Variants in ART3 observed in about 807,000 individuals in gnomAD.
ART3 encodes ADP-ribosyltransferase 3 (inactive).
In ART3, 49 loss-of-function variants were observed where a neutral mutation model predicts 48.5. The observed-to-expected ratio is 1.01, with a 90% CI of 0.80 to 1.28. ART3 has a LOEUF of 1.28. Among genes scored for constraint, ART3 ranks in the 50% most tolerant of loss-of-function variants. The probability of loss-of-function intolerance (pLI) is 0.00; values close to 1 mark genes in which losing one functional copy is unlikely to be tolerated. For missense variants in ART3, 438 were observed against 454.3 expected (o/e 0.96, Z 0.33); for synonymous variants, 145 against 157.2 (o/e 0.92, Z 0.58).
rs1041641788 is a variant in ART3, at chr4:76,112,585, A to G, written c.*66A>G. On this transcript the variant is annotated 3_prime_UTR_variant, in exon 12 of 12. Transcript: ENST00000355810. Reference sequence around the variant, plus strand: ...AACTATAGGGATCCACAGGAGATCAAAAGGAATGATGTATTTTTTACGTGT... The same window carrying G: ...AACTATAGGGATCCACAGGAGATCAGAAGGAATGATGTATTTTTTACGTGT... 4 of 1,476,268 alleles carry G rather than the reference A, an allele frequency of 2.7e-6. No homozygotes were observed. The allele number at this position is 1,476,268 out of a possible 1,614,324, so 91.4% of individuals were successfully genotyped here. A position where few individuals can be genotyped will look rare whatever the true frequency, so the allele number is the denominator to read the frequency against.
intron 1 of ART3, among the ~76,000 whole-genome samples, chr4:76,052,449 C>G (rs1736203993): frequency 6.6e-6 from 1 of 152,140 alleles, no homozygotes; most frequent in African/African-American, 2.4e-5. Context: ...AGCCATCTAC[C>G]TTTCCTTTCC....
In ART3 at chr4:76,013,544, G is replaced by A. The variant is rs147900049; in HGVS notation, c.-10+2224G>A. Among the ~76,000 whole-genome samples the A allele has an allele frequency of 4.1e-4, 62 of 152,162 alleles. 1 individual carries two copies. The highest frequency in any genetic ancestry group is 1.3e-3 in the African/African-American group (53 of 41,510). ...TACGTAGTTTATATATTTGTAAAAT[G>A]TTCTCATATTTCTAGCCTCTTCATT... On this transcript the variant is annotated intron_variant, in intron 1 of 9. Coordinates refer to the ART3 transcript ENST00000341029.
intron 8 of ART3, among the ~76,000 whole-genome samples, chr4:76,101,379 C>A (rs556389183): frequency 3.4e-4 from 52 of 152,338 alleles, no homozygotes; most frequent in African/African-American, 1.2e-3. Context: ...CACCAGCAAT[C>A]TGATTAATAT....
chr4:76,022,619 A>G lies in ART3; in HGVS notation c.-10+11299A>G, dbSNP rs868009061. On this transcript the variant is annotated intron_variant, in intron 1 of 9. Coordinates refer to the ART3 transcript ENST00000341029. ...ACAAACCCTTTACTGATCTTTTTTT[A>G]TTATCATTACATATTTAATACAGTA... 1.7e-5 allele frequency: 25 copies of G among 1,471,342 alleles called. No homozygotes were observed. In the South Asian group the frequency reaches 3.0e-4, roughly 18 times the overall value. 91.1% of individuals were successfully genotyped at this position (1,471,342 alleles called of 1,614,324 possible).
At chr4:76,110,412 C>G (rs898835742) in intron 11 of ART3, among the ~76,000 whole-genome samples, 3 of 152,096 alleles carry the variant, frequency 2.0e-5, no homozygotes, top group African/African-American at 7.2e-5. Context: ...ACTTGAGCAT[C>G]TGTGGATTTT....
chr4:76,056,392 C>T (rs988209606), intron 1 of ART3, among the ~76,000 whole-genome samples: 19 of 151,972 alleles, frequency 1.3e-4, no homozygotes, highest in Non-Finnish European at 2.4e-4. Flanking sequence ...ATGCAGAGCC[C>T]GAAACTGAGT....
At position 76,035,154 on chromosome 4, in the gene ART3, G is replaced by C. The variant is rs766720116; in HGVS notation, c.-10+23834G>C. The C allele has an allele frequency of 1.1e-5, 17 of 1,612,880 alleles. No homozygotes were observed. In the South Asian group the frequency reaches 1.8e-4, roughly 17 times the overall value. ...GAACATACAAGAGTCTTAAAGTTTAGATGCAAATACATAAACAAAAAAGCC... is the reference window on the plus strand; with the variant it reads ...GAACATACAAGAGTCTTAAAGTTTACATGCAAATACATAAACAAAAAAGCC... On this transcript the variant is annotated intron_variant, in intron 1 of 9. Coordinates refer to the ART3 transcript ENST00000341029.
At chr4:76,073,591 A>AT (rs1452048956), upstream of ART3, among the ~76,000 whole-genome samples, 4 of 152,350 alleles carry the variant, frequency 2.6e-5, no homozygotes, top group East Asian at 7.7e-4. Context: ...AACACATATC[A>AT]TAAGTATATA....
chr4:76,036,375 G>A (rs971552389), intron 1 of ART3, among the ~76,000 whole-genome samples: 3 of 152,182 alleles, frequency 2.0e-5, no homozygotes, highest in African/African-American at 4.8e-5. Flanking sequence ...CAGGAAGACT[G>A]TGTTTCTGTT....
chr4:76,100,629 C>CAA (rs71659303), intron 6 of ART3, among the ~76,000 whole-genome samples, 166 bp from the exon 7 acceptor site: 18,654 of 87,762 alleles, frequency 0.21, 1,686 homozygotes, highest in East Asian at 0.45. Flanking sequence ...GGCTCCGTCT[C>CAA]AAAAAAAAAA....
At chr4:76,015,028 A>G (rs1732136692) in intron 1 of ART3, among the ~76,000 whole-genome samples, 1 of 152,206 alleles carries the variant, frequency 6.6e-6, no homozygotes. Context: ...GTTTATTACT[A>G]GTAGACTTGC....
intron 3 of ART3, 135 bp from the exon 4 acceptor site, chr4:76,097,509 C>A (rs1726276368): frequency 1.4e-6 from 1 of 700,930 alleles, no homozygotes. Context: ...GCCCAGCCTG[C>A]AATTTGCATC....
At chr4:76,062,717 T>C (rs559920347) in intron 1 of ART3, among the ~76,000 whole-genome samples, 3 of 152,092 alleles carry the variant, frequency 2.0e-5, no homozygotes, top group Admixed American at 6.5e-5. Flanking sequence ...CCTGCCACCA[T>C]GCCTGGCTAA....
intron 1 of ART3, among the ~76,000 whole-genome samples, chr4:76,069,579 A>G (rs573173009): frequency 6.6e-6 from 1 of 151,698 alleles, no homozygotes; most frequent in Non-Finnish European, 1.5e-5. Context: ...TAGTAGATAC[A>G]CGGTTTCACC....
intron 1 of ART3, among the ~76,000 whole-genome samples, chr4:76,043,416 G>T (rs902580363): frequency 6.6e-6 from 1 of 152,078 alleles, no homozygotes; most frequent in Non-Finnish European, 1.5e-5. Context: ...GGCATGGCGG[G>T]CTGCAGGTCC....
chr4:76,079,165 CTCA>C (rs1415575697), intron 2 of ART3, among the ~76,000 whole-genome samples: 9 of 119,936 alleles, frequency 7.5e-5, no homozygotes, highest in African/African-American at 1.4e-4. Flanking sequence ...TCTTAGTTTC[CTCA>C]TCTTTGTTAA....
intron 3 of ART3, among the ~76,000 whole-genome samples, chr4:76,088,956 T>G (rs574964456): frequency 2.2e-4 from 33 of 152,288 alleles, no homozygotes; most frequent in African/African-American, 7.2e-4. Context: ...AAGCTGGATC[T>G]TTTTAGCAAT....
At chr4:76,077,562 A>G (rs1433999978) in intron 2 of ART3, among the ~76,000 whole-genome samples, 1 of 152,226 alleles carries the variant, frequency 6.6e-6, no homozygotes, top group East Asian at 1.9e-4. Context: ...TTGAGATACT[A>G]CAAACACTAT....
chr4:76,052,731 T>TTTTA (rs1221044441), intron 1 of ART3, among the ~76,000 whole-genome samples: 103 of 151,048 alleles, frequency 6.8e-4, no homozygotes, highest in African/African-American at 2.3e-3. Flanking sequence ...TTTTTTTTTT[T>TTTTA]TAAGACAGAG....
Sources: gnomAD v4.1 joint callset for allele counts (sites outside exome capture counted in the v4.1 genomes callset) on GRCh38, gnomAD v4.1.1 for gene constraint, MANE v1.5 for transcripts, NCBI Gene and HGNC (gene_info 2026-07-23, HGNC 2026-07-21) for gene names.